Variants in AMOTL1 observed in about 807,000 individuals in gnomAD.
AMOTL1 encodes angiomotin like 1.
AMOTL1 carries 45 observed loss-of-function variants against 102.9 expected under a neutral mutation model. That is an observed-to-expected ratio of 0.44 (90% confidence interval 0.34 to 0.56). AMOTL1 has a LOEUF of 0.56. Among genes scored for constraint, AMOTL1 ranks in the 20% least tolerant of loss-of-function variants. The probability of loss-of-function intolerance (pLI) is 0.01; values close to 1 mark genes in which losing one functional copy is unlikely to be tolerated. For synonymous variants in AMOTL1, 481 were observed against 484.7 expected (o/e 0.99, Z 0.10); for missense variants, 1,114 against 1,225.6 (o/e 0.91, Z 1.36).
At chr11:94,800,406 C>T (rs1311232968) in intron 3 of AMOTL1, 95 bp downstream of exon 3, 34 of 1,371,266 alleles carry the variant, frequency 2.5e-5, no homozygotes, top group Non-Finnish European at 3.3e-5. Flanking sequence ...AGGTTTTTGT[C>T]ATCAGGCTTT....
chr11:94,827,178 G>A (rs556767302), intron 4 of AMOTL1, among the ~76,000 whole-genome samples: 36 of 152,314 alleles, frequency 2.4e-4, no homozygotes, highest in African/African-American at 7.7e-4. Context: ...AATCAGAGCC[G>A]CACAGTGCAG....
intron 1 of AMOTL1, among the ~76,000 whole-genome samples, chr11:94,787,982 T>C (rs955627696): frequency 1.3e-5 from 2 of 152,172 alleles, no homozygotes; most frequent in Admixed American, 6.5e-5. Context: ...GAGGTCACCA[T>C]AGAGACTGCT....
intron 1 of AMOTL1, among the ~76,000 whole-genome samples, chr11:94,771,558 G>A (rs1950952171): frequency 6.6e-6 from 1 of 151,970 alleles, no homozygotes. Context: ...AATTTTGTTG[G>A]CTTGGCTTTG....
At chr11:94,746,113 A>G (rs1950587697) in intron 3 of AMOTL1, among the ~76,000 whole-genome samples, 1 of 152,236 alleles carries the variant, frequency 6.6e-6, no homozygotes, top group Non-Finnish European at 1.5e-5. Context: ...CAGCAAGATC[A>G]TATAATAAAA....
At chr11:94,741,559 C>A (rs1222883394) in intron 3 of AMOTL1, among the ~76,000 whole-genome samples, 2 of 152,166 alleles carry the variant, frequency 1.3e-5, no homozygotes, top group African/African-American at 4.8e-5. Context: ...ACATTCCATC[C>A]TCATGCCTGT....
At chr11:94,800,423 T>C in intron 3 of AMOTL1, 112 bp downstream of exon 3, 6 of 1,204,734 alleles carry the variant, frequency 5.0e-6, no homozygotes, top group Non-Finnish European at 6.9e-6. Flanking sequence ...CTTTTTTCCT[T>C]ATGCATGATA....
rs749174069 is a variant in AMOTL1, at chr11:94,768,630, C to T, written c.49+70C>T. 37 of 1,547,586 alleles carry T rather than the reference C, an allele frequency of 2.4e-5. 1 individual carries two copies. In the South Asian group the frequency reaches 3.6e-4, roughly 15 times the overall value. On this transcript the variant is annotated intron_variant, in intron 1 of 12. Transcript: ENST00000433060. ...TCCCACGCGAAGAACCCAGTCGCCCCGGGCTCCCCGGGCCCCTGCTGCTCA... is the reference window on the plus strand; with the variant it reads ...TCCCACGCGAAGAACCCAGTCGCCCTGGGCTCCCCGGGCCCCTGCTGCTCA...
At chr11:94,788,343 C>T (rs1311859468) in intron 1 of AMOTL1, among the ~76,000 whole-genome samples, 1 of 152,156 alleles carries the variant, frequency 6.6e-6, no homozygotes, top group Non-Finnish European at 1.5e-5. Flanking sequence ...TTCTCCTTAC[C>T]CATAACTAAG....
At chr11:94,853,088 A>G (rs1156838405) in intron 7 of AMOTL1, among the ~76,000 whole-genome samples, 1 of 152,172 alleles carries the variant, frequency 6.6e-6, no homozygotes, top group Non-Finnish European at 1.5e-5. Context: ...TAGAATAAGC[A>G]TTTCTTCATG....
At chr11:94,763,288 A>G (rs1289214137) in intron 3 of AMOTL1, among the ~76,000 whole-genome samples, 2 of 149,770 alleles carry the variant, frequency 1.3e-5, no homozygotes, top group East Asian at 3.9e-4. Flanking sequence ...TCTCCTTACG[A>G]CAATGTACAC....
At chr11:94,770,943 C>T (rs1219721317) in intron 1 of AMOTL1, among the ~76,000 whole-genome samples, 3 of 152,008 alleles carry the variant, frequency 2.0e-5, no homozygotes, top group Non-Finnish European at 4.4e-5. Flanking sequence ...GACCCAGGGC[C>T]TAGGGAAAAG....
intron 1 of AMOTL1, among the ~76,000 whole-genome samples, chr11:94,790,464 G>A (rs1374837440): frequency 6.6e-6 from 1 of 152,086 alleles, no homozygotes; most frequent in Non-Finnish European, 1.5e-5. Flanking sequence ...TTCTAGAGGC[G>A]GTAAACTGAA....
In AMOTL1 at chr11:94,865,926, T is replaced by C. The variant is rs1488306855; in HGVS notation, c.2262-16T>C. The C allele has an allele frequency of 6.2e-7, 1 of 1,604,204 alleles. No homozygotes were observed. On this transcript the variant is annotated splice_polypyrimidine_tract_variant and intron_variant, in intron 10 of 12. Coordinates refer to ENST00000433060, the MANE Select transcript of AMOTL1 (RefSeq NM_130847.3). ...CAAGTGGCTTTTTATGGAGACTGTT[T>C]TGTTTTGTTTTACAGTATTAAAAAT...
intron 4 of AMOTL1, among the ~76,000 whole-genome samples, chr11:94,829,005 A>G (rs1315344224): frequency 6.6e-6 from 1 of 152,164 alleles, no homozygotes; most frequent in Admixed American, 6.5e-5. Flanking sequence ...ATTTATTGAT[A>G]TCTACATCAA....
chr11:94,770,352 A>T (rs918566368), intron 1 of AMOTL1, among the ~76,000 whole-genome samples: 3 of 151,998 alleles, frequency 2.0e-5, no homozygotes, highest in Admixed American at 1.3e-4. Flanking sequence ...AAAAGCACTG[A>T]TTTGACTAGA....
intron 2 of AMOTL1, among the ~76,000 whole-genome samples, chr11:94,795,704 T>G (rs1284654078): frequency 1.3e-5 from 2 of 152,206 alleles, no homozygotes; most frequent in African/African-American, 2.4e-5. Context: ...CTCATCTCTC[T>G]CTTACTTCAG....
upstream of AMOTL1, among the ~76,000 whole-genome samples, chr11:94,765,259 T>C (rs929185437): frequency 1.3e-5 from 2 of 152,244 alleles, no homozygotes; most frequent in African/African-American, 2.4e-5. Flanking sequence ...AGATGTGGAC[T>C]GGTTCACTAC....
intron 1 of AMOTL1, among the ~76,000 whole-genome samples, chr11:94,711,775 T>C (rs940002817): frequency 1.3e-5 from 2 of 152,126 alleles, no homozygotes; most frequent in African/African-American, 4.8e-5. Flanking sequence ...TTGGTTCCTT[T>C]TTGTTACTGT....
chr11:94,751,822 A>C (rs1378982822), intron 3 of AMOTL1, among the ~76,000 whole-genome samples: 1 of 151,926 alleles, frequency 6.6e-6, no homozygotes, highest in African/African-American at 2.4e-5. Flanking sequence ...GCACACACAC[A>C]CATAGGAAAA....
Sources: allele counts gnomAD v4.1 joint callset (sites outside exome capture counted in the v4.1 genomes callset), GRCh38; gene constraint gnomAD v4.1.1; transcripts MANE v1.5; gene names NCBI Gene and HGNC (gene_info 2026-07-23, HGNC 2026-07-21).